The following PYY variants were observed in gnomAD, a reference collection of about 807,000 sequenced individuals.
The protein encoded by PYY is peptide tyrosine tyrosine.
PYY carries 12 observed loss-of-function variants against 10.3 expected under a neutral mutation model. The ratio of observed to expected loss-of-function variants is 1.17; its 90% CI spans 0.75 to 1.89. PYY has a LOEUF of 1.89. PYY is among the 40% of genes most tolerant of loss of function. PYY has a pLI of 0.00. For synonymous variants in PYY, 66 were observed against 62.0 expected, an observed-to-expected ratio of 1.06 and a Z score of -0.30; for missense variants, 141 against 134.0, an observed-to-expected ratio of 1.05 and a Z score of -0.26.
chr17:43,989,669 G>A (rs1487103046), intron 1 of PYY, among the ~76,000 whole-genome samples: 5 of 150,998 alleles, frequency 3.3e-5, no homozygotes, highest in Non-Finnish European at 7.4e-5. Flanking sequence ...AGGCCAGCAT[G>A]GTGGCTCCAC....
At chr17:43,972,303 T>A (rs967819909) in intron 1 of PYY, among the ~76,000 whole-genome samples, 1 of 151,752 alleles carries the variant, frequency 6.6e-6, no homozygotes, top group Admixed American at 6.6e-5. Context: ...AACCTCCACC[T>A]CCCAGGTTCA....
intron 1 of PYY, among the ~76,000 whole-genome samples, chr17:43,988,195 A>G (rs2048927624): frequency 1.3e-5 from 2 of 152,196 alleles, no homozygotes; most frequent in African/African-American, 4.8e-5. Flanking sequence ...CCAGGGTCTC[A>G]TCCCACTGCC....
intron 1 of PYY, among the ~76,000 whole-genome samples, chr17:43,983,892 G>A (rs1031625172): frequency 1.6e-4 from 24 of 152,352 alleles, no homozygotes; most frequent in African/African-American, 5.5e-4. Context: ...GGTGCCGGCC[G>A]GGCTGAGTGT....
intron 1 of PYY, among the ~76,000 whole-genome samples, chr17:43,997,330 C>T (rs1318219583): frequency 6.6e-6 from 1 of 152,094 alleles, no homozygotes; most frequent in Non-Finnish European, 1.5e-5. Flanking sequence ...TGAGCCACTG[C>T]GCCTGGCCGG....
chr17:43,958,955 G>T (rs1271531707), intron 2 of PYY, among the ~76,000 whole-genome samples: 1 of 152,214 alleles, frequency 6.6e-6, no homozygotes, highest in East Asian at 1.9e-4. Flanking sequence ...AAAGAGATTT[G>T]CTGACATGTT....
intron 1 of PYY, among the ~76,000 whole-genome samples, chr17:43,980,485 T>G (rs2048877070): frequency 6.9e-6 from 1 of 145,012 alleles, no homozygotes; most frequent in Non-Finnish European, 1.5e-5. Context: ...TTTTGTTTTG[T>G]TTTTTTTGAG....
chr17:44,001,609 C>A (rs1368651370), intron 1 of PYY, among the ~76,000 whole-genome samples: 1 of 152,184 alleles, frequency 6.6e-6, no homozygotes, highest in Non-Finnish European at 1.5e-5. Context: ...ACTCTGGTAT[C>A]TCTGGGCCCC....
chr17:43,989,150 G>A (rs1019083296), intron 1 of PYY, among the ~76,000 whole-genome samples: 7 of 151,980 alleles, frequency 4.6e-5, no homozygotes, highest in East Asian at 2.0e-4. Flanking sequence ...CAAGGCGGGC[G>A]GATCACGAGG....
chr17:43,971,878 A>G (rs1314932558), intron 1 of PYY, among the ~76,000 whole-genome samples: 9 of 152,016 alleles, frequency 5.9e-5, no homozygotes, highest in Admixed American at 5.9e-4. Flanking sequence ...CAATTTATCA[A>G]TTGTTCTCTT....
At chr17:43,953,072 T>C in intron 3 of PYY, 37 bp downstream of exon 3, 1 of 1,610,176 alleles carries the variant, frequency 6.2e-7, no homozygotes, top group Non-Finnish European at 8.5e-7. Context: ...CAGGCCGCGC[T>C]CTCGGATGCA....
chr17:43,984,922 T>C (rs1213135769), intron 1 of PYY, among the ~76,000 whole-genome samples: 1 of 147,184 alleles, frequency 6.8e-6, no homozygotes, highest in Non-Finnish European at 1.5e-5. Context: ...TCTGTTTCTC[T>C]TCTAAAGTTG....
chr17:43,965,150 T>C (rs1046376195), intron 2 of PYY, among the ~76,000 whole-genome samples: 2 of 152,184 alleles, frequency 1.3e-5, no homozygotes, highest in African/African-American at 4.8e-5. Flanking sequence ...CTCTTTTTTT[T>C]TCTTCCAGGT....
Position 43,992,922 on chromosome 17 carries a change from G to A in PYY, c.-463+11469C>T, listed in dbSNP as rs118185560. Among the ~76,000 whole-genome samples the A allele has an allele frequency of 4.9e-3, 742 of 152,252 alleles. 8 individuals are homozygous for A. Among genetic ancestry groups the A allele is most frequent in the South Asian group, 8.3e-3 (40 of 4,828 alleles). On this transcript the variant is annotated intron_variant, in intron 1 of 6. Coordinates refer to the PYY transcript ENST00000360085. The stretch of plus-strand genomic sequence containing the variant: ...GTCAGAGGAAGCGTGTCTGCCTTCC[G>A]GCCTCCAGACAGTGAGAGGACACAC...
At chr17:43,977,505 C>T (rs904804285) in intron 1 of PYY, among the ~76,000 whole-genome samples, 108 of 152,166 alleles carry the variant, frequency 7.1e-4, no homozygotes, top group African/African-American at 2.3e-3. Context: ...GCAGGTGTTC[C>T]GGCACCTGCC....
chr17:43,972,438 A>G (rs1436088102), intron 1 of PYY, among the ~76,000 whole-genome samples: 1 of 151,630 alleles, frequency 6.6e-6, no homozygotes, highest in African/African-American at 2.4e-5. Flanking sequence ...CTGGTCTCAA[A>G]CTCCTGACCT....
intron 1 of PYY, among the ~76,000 whole-genome samples, chr17:43,980,012 G>C (rs2048872234): frequency 6.6e-6 from 1 of 152,088 alleles, no homozygotes; most frequent in East Asian, 1.9e-4. Flanking sequence ...TTAAGAAACA[G>C]AACATTACAA....
At chr17:43,961,447 A>G (rs1326431624) in intron 2 of PYY, among the ~76,000 whole-genome samples, 1 of 152,184 alleles carries the variant, frequency 6.6e-6, no homozygotes, top group Non-Finnish European at 1.5e-5. Context: ...AGGAAGCTGC[A>G]TTGCTTCCTG....
upstream of PYY, among the ~76,000 whole-genome samples, chr17:43,957,467 G>T (rs181921649): frequency 4.6e-5 from 7 of 152,086 alleles, no homozygotes; most frequent in Non-Finnish European, 1.0e-4. Context: ...AGACCAGCCT[G>T]GTCAACATGG....
chr17:43,952,980 C>A lies in PYY; in HGVS notation c.270G>T (p.Arg90=). 6.4e-7 allele frequency: 1 copy of A among 1,566,010 alleles called. No homozygotes were observed. The highest frequency in any genetic ancestry group is 1.4e-5 in the African/African-American group (1 of 73,272). The change falls in exon 4 of 4, where the codon CGG becomes CGT. Residue 90 remains arginine, a splice_region_variant and synonymous_variant. Transcript: ENST00000692052. ...PDGEDRPVRS[R]SEGPDLW ...CTCACCACAGGTCTGGGCCCTCCGA[C>A]CTGCGGAAGCGAAGGGGAAGGAATT...
Sources: gnomAD v4.1 joint callset for allele counts (sites outside exome capture counted in the v4.1 genomes callset) on GRCh38, gnomAD v4.1.1 for gene constraint, MANE v1.5 for transcripts, NCBI Gene and HGNC (gene_info 2026-07-23, HGNC 2026-07-21) for gene names.